EPHA3: variants seen among roughly 807,000 people sequenced by gnomAD.
EPHA3 encodes EPH receptor A3.
Under a neutral mutation model 107.1 loss-of-function variants are expected in EPHA3, and 42 were observed. The observed-to-expected ratio is 0.39, with a 90% CI of 0.31 to 0.51. EPHA3 has a LOEUF of 0.51. Among genes scored for constraint, EPHA3 ranks in the 20% least tolerant of loss-of-function variants. The probability of loss-of-function intolerance (pLI) is 0.78; values close to 1 mark genes in which losing one functional copy is unlikely to be tolerated. For synonymous variants in EPHA3, 461 were observed against 424.8 expected (o/e 1.09, Z -1.05); for missense variants, 1,183 against 1,211.2 (o/e 0.98, Z 0.35).
At chr3:89,158,513 T>C (rs374664054) in intron 2 of EPHA3, among the ~76,000 whole-genome samples, 58 of 152,294 alleles carry the variant, frequency 3.8e-4, no homozygotes, top group African/African-American at 1.2e-3. Flanking sequence ...GAAAACAATG[T>C]ATTATTACAA....
At chr3:89,339,387 A>T (rs1244625174) in intron 3 of EPHA3, among the ~76,000 whole-genome samples, 1 of 150,340 alleles carries the variant, frequency 6.7e-6, no homozygotes, top group Non-Finnish European at 1.5e-5. Context: ...AAAAAAAAAA[A>T]AAAGAAAGAA....
At chr3:89,349,587 C>T (rs1707755683) in intron 5 of EPHA3, among the ~76,000 whole-genome samples, 1 of 144,896 alleles carries the variant, frequency 6.9e-6, no homozygotes. Context: ...CAGTCTGTGT[C>T]TTTTAATTGG....
At chr3:89,182,245 C>A (rs568613076) in intron 2 of EPHA3, among the ~76,000 whole-genome samples, 2 of 152,010 alleles carry the variant, frequency 1.3e-5, no homozygotes, top group East Asian at 3.9e-4. Flanking sequence ...AACCATGCCT[C>A]CATGCTGAGT....
At chr3:89,197,878 A>AG (rs906804521) in intron 2 of EPHA3, among the ~76,000 whole-genome samples, 2 of 152,046 alleles carry the variant, frequency 1.3e-5, no homozygotes, top group Non-Finnish European at 2.9e-5. Context: ...GGGGAGGCTG[A>AG]GGGGGGAGAA....
At chr3:89,434,439 A>T (rs1361070535) in intron 13 of EPHA3, among the ~76,000 whole-genome samples, 1 of 152,142 alleles carries the variant, frequency 6.6e-6, no homozygotes, top group African/African-American at 2.4e-5. Flanking sequence ...TCTAGTCTCA[A>T]ACTGCTGATC....
chr3:89,338,889 T>A (rs2107413295), intron 3 of EPHA3, among the ~76,000 whole-genome samples: 1 of 152,310 alleles, frequency 6.6e-6, no homozygotes, highest in South Asian at 2.1e-4. Flanking sequence ...GAGAGTCACA[T>A]AATCACTTCC....
At chr3:89,395,429 C>A (rs1708829675) in intron 5 of EPHA3, among the ~76,000 whole-genome samples, 1 of 152,148 alleles carries the variant, frequency 6.6e-6, no homozygotes, top group Non-Finnish European at 1.5e-5. Flanking sequence ...AAAATGTTAT[C>A]AATGAGCTGA....
intron 5 of EPHA3, among the ~76,000 whole-genome samples, chr3:89,348,106 G>T (rs1466407241): frequency 1.2e-4 from 18 of 147,636 alleles, no homozygotes. Context: ...CCCGGCTTTG[G>T]TATCAGAATG....
chr3:89,358,828 A>G (rs1414972866), intron 5 of EPHA3, among the ~76,000 whole-genome samples: 2 of 151,338 alleles, frequency 1.3e-5, no homozygotes, highest in African/African-American at 4.8e-5. Context: ...AAAGTAAATG[A>G]AATGCTTTAA....
intron 15 of EPHA3, among the ~76,000 whole-genome samples, chr3:89,469,039 G>GA (rs1032152438): frequency 6.6e-6 from 1 of 152,006 alleles, no homozygotes; most frequent in Admixed American, 6.5e-5. Context: ...ATTGCTAAAG[G>GA]AAAAAATTAA....
intron 3 of EPHA3, among the ~76,000 whole-genome samples, chr3:89,294,761 A>G (rs1004517425): frequency 1.3e-5 from 2 of 152,156 alleles, no homozygotes; most frequent in Non-Finnish European, 2.9e-5. Context: ...GTCCATGCCT[A>G]CTAATGCTAA....
chr3:89,420,874 A>G (rs1011624179), intron 11 of EPHA3, among the ~76,000 whole-genome samples: 4 of 151,470 alleles, frequency 2.6e-5, no homozygotes, highest in African/African-American at 4.8e-5. Context: ...ATTATGAAGT[A>G]TCTGTTATGT....
chr3:89,219,181 G>A (rs1444740093), intron 3 of EPHA3, among the ~76,000 whole-genome samples: 19 of 146,816 alleles, frequency 1.3e-4, no homozygotes, highest in African/African-American at 4.3e-4. Context: ...TTTTTTTTTC[G>A]AGATGGAGTT....
At chr3:89,479,301 C>T in intron 16 of EPHA3, 96 bp from the exon 17 acceptor site, 1 of 936,050 alleles carries the variant, frequency 1.1e-6, no homozygotes, top group South Asian at 1.5e-5. Flanking sequence ...GTCCACAGTA[C>T]TAGAATATAA....
chr3:89,325,694 G>A (rs1167684938), intron 3 of EPHA3, among the ~76,000 whole-genome samples: 1 of 151,890 alleles, frequency 6.6e-6, no homozygotes, highest in African/African-American at 2.4e-5. Flanking sequence ...CATATCATGT[G>A]AATACTGTAG....
chr3:89,154,792 C>CA (rs1704763127), intron 2 of EPHA3, among the ~76,000 whole-genome samples: 1 of 150,346 alleles, frequency 6.7e-6, no homozygotes, highest in Non-Finnish European at 1.5e-5. Flanking sequence ...AGACATTAGG[C>CA]AATTATCCAT....
At chr3:89,205,794 T>C (rs1204160086) in intron 2 of EPHA3, among the ~76,000 whole-genome samples, 1 of 151,756 alleles carries the variant, frequency 6.6e-6, no homozygotes, top group Admixed American at 6.6e-5. Flanking sequence ...TTACCATTGC[T>C]ATGTCTCCCT....
At chr3:89,237,640 G>A (rs1411634592) in intron 3 of EPHA3, among the ~76,000 whole-genome samples, 2 of 151,950 alleles carry the variant, frequency 1.3e-5, no homozygotes, top group East Asian at 3.9e-4. Flanking sequence ...TTGTTAAGTC[G>A]TGGCCAATTT....
chr3:89,358,660 AAG>A (rs1342998083), intron 5 of EPHA3, among the ~76,000 whole-genome samples: 1 of 151,142 alleles, frequency 6.6e-6, no homozygotes, highest in Non-Finnish European at 1.5e-5. Flanking sequence ...CCCCCAGTGA[AAG>A]AGATTGGTCT....
Sources: gnomAD v4.1 joint callset for allele counts (sites outside exome capture counted in the v4.1 genomes callset) on GRCh38, gnomAD v4.1.1 for gene constraint, MANE v1.5 for transcripts, NCBI Gene and HGNC (gene_info 2026-07-23, HGNC 2026-07-21) for gene names.